The following VWA5B1 variants were observed in gnomAD, a reference collection of about 807,000 sequenced individuals.
The protein encoded by VWA5B1 is von Willebrand factor A domain containing 5B1.
In VWA5B1, 115 loss-of-function variants were observed where a neutral mutation model predicts 118.2. The observed-to-expected ratio is 0.97, with a 90% confidence interval of 0.84 to 1.14. The LOEUF is 1.14. Among genes scored for constraint, VWA5B1 ranks in the 50% most tolerant of loss-of-function variants. The pLI, the probability that VWA5B1 is intolerant of heterozygous loss-of-function variation, is 0.00. For synonymous variants in VWA5B1, 682 were observed against 658.4 expected, an observed-to-expected ratio of 1.04 and a Z score of -0.55; for missense variants, 1,596 against 1,603.8, an observed-to-expected ratio of 1.00 and a Z score of 0.08.
chr1:20,330,243 A>T lies in VWA5B1; in HGVS notation c.1318A>T (p.Ile440Phe). ...RMKADMGGTNILSPLKWVIRQ... is the reference protein window; with the variant it reads ...RMKADMGGTNFLSPLKWVIRQ... ...GAAGGCCGACATGGGTGGGACCAACATCCTTTCCCCTCTCAAGTGGGTCAT... is the reference window on the plus strand; with the variant it reads ...GAAGGCCGACATGGGTGGGACCAACTTCCTTTCCCCTCTCAAGTGGGTCAT... The change falls in exon 10 of 22, where the codon ATC (isoleucine) becomes TTC (phenylalanine). Residue 440 changes from isoleucine (I) to phenylalanine (F), a missense_variant. Ile to Phe is a conservative substitution (Grantham distance 21). Transcript: ENST00000289815. The T allele has an allele frequency of 6.4e-7, 1 of 1,551,730 alleles. No homozygotes were observed. The highest frequency in any genetic ancestry group is 1.2e-5 in the South Asian group (1 of 84,060).
chr1:20,314,970 A>G (rs2088960500), intron 4 of VWA5B1, among the ~76,000 whole-genome samples: 1 of 152,214 alleles, frequency 6.6e-6, no homozygotes, highest in Non-Finnish European at 1.5e-5. Context: ...ACATTTTGGA[A>G]CTTGGTGGAA....
At chr1:20,343,794 CT>C (rs1052741661) in intron 16 of VWA5B1, among the ~76,000 whole-genome samples, 1 of 47,504 alleles carries the variant, frequency 2.1e-5, no homozygotes, top group Non-Finnish European at 4.3e-5. Context: ...CCCGCCCCCC[CT>C]CTCCCGTCGG....
intron 1 of VWA5B1, among the ~76,000 whole-genome samples, chr1:20,298,364 C>T (rs2088446408): frequency 1.3e-5 from 2 of 152,106 alleles, no homozygotes; most frequent in Admixed American, 1.3e-4. Flanking sequence ...TCACTGCTTA[C>T]AATTCCATCA....
intron 1 of VWA5B1, among the ~76,000 whole-genome samples, chr1:20,305,313 A>G (rs181310746): frequency 1.3e-5 from 2 of 152,232 alleles, no homozygotes; most frequent in Admixed American, 1.3e-4. Flanking sequence ...AAGGTTGCTG[A>G]CATGCGGGAT....
intron 7 of VWA5B1, chr1:20,323,107 A>G (rs759004078): frequency 2.4e-5 from 8 of 339,782 alleles, no homozygotes; most frequent in Admixed American, 4.8e-5. Flanking sequence ...ACTCACCCCC[A>G]TATCACACAG....
chr1:20,348,953 T>C (rs55911812), intron 18 of VWA5B1: 5,945 of 228,740 alleles, frequency 0.026, 356 homozygotes, highest in African/African-American at 0.12. Context: ...ACAGCCTAAC[T>C]GCTGCACTCA....
chr1:20,356,716 T>C lies in VWA5B1; in HGVS notation c.*2453T>C, dbSNP rs2090236416. Among the ~76,000 whole-genome samples the C allele has an allele frequency of 6.6e-6, 1 of 152,192 alleles. No homozygotes were observed. Among genetic ancestry groups the C allele is most frequent in the South Asian group, 2.1e-4 (1 of 4,832 alleles). On this transcript the variant is annotated 3_prime_UTR_variant, in exon 22 of 22. Transcript: ENST00000289815. ...CAACATGTTTGAGGCCCAAGAAAACTGCTGATCTCTGCAACCCTGGCTCCC... is the reference window on the plus strand; with the variant it reads ...CAACATGTTTGAGGCCCAAGAAAACCGCTGATCTCTGCAACCCTGGCTCCC...
chr1:20,351,987 C>T (rs2090139221), intron 20 of VWA5B1, 68 bp from the exon 21 acceptor site: 3 of 1,289,828 alleles, frequency 2.3e-6, no homozygotes, highest in South Asian at 2.7e-5. Flanking sequence ...CTGACCCTGA[C>T]TTTCAGGGGC....
chr1:20,338,917 C>T (rs35091490), intron 14 of VWA5B1: 5,985 of 152,372 alleles, frequency 0.039, 198 homozygotes, highest in Non-Finnish European at 0.058. Flanking sequence ...CTGCCTGCCT[C>T]GGCCTCCCAA....
At chr1:20,336,246 A>T in intron 12 of VWA5B1, 57 bp from the exon 13 acceptor site, 1 of 1,286,268 alleles carries the variant, frequency 7.8e-7, no homozygotes, top group Non-Finnish European at 9.9e-7. Flanking sequence ...CTCCCTGCGG[A>T]AGTCCTTCCT....
chr1:20,332,545 A>G (rs562058335), intron 11 of VWA5B1, among the ~76,000 whole-genome samples: 18 of 142,336 alleles, frequency 1.3e-4, no homozygotes, highest in Non-Finnish European at 4.6e-5. Flanking sequence ...AAAATAAAAT[A>G]AAATGCTAAG....
In VWA5B1 at chr1:20,327,991, C is replaced by G; in HGVS notation, c.1245C>G (p.Thr415=). The stretch of plus-strand genomic sequence containing the variant: ...AGAGCCTTTTTCCTTCCAGCCAGAC[C>G]TACAGTGAGGTAATGAGGGGGCAAG... ...TFKSLFPSSQ[T]YSEDSLAMAC... is the part of the protein sequence containing the mutation. The change falls in exon 9 of 22, where the codon ACC becomes ACG. Residue 415 remains threonine, a synonymous_variant. Transcript: ENST00000289815. 6.4e-7 allele frequency: 1 copy of G among 1,551,400 alleles called. No individual in the cohort carries two copies. The highest frequency in any genetic ancestry group is 1.2e-5 in the South Asian group (1 of 84,028).
At chr1:20,315,730 C>T (rs1053051449) in intron 4 of VWA5B1, among the ~76,000 whole-genome samples, 4 of 152,134 alleles carry the variant, frequency 2.6e-5, no homozygotes, top group Admixed American at 6.5e-5. Flanking sequence ...GTGTGGCTAT[C>T]GCAGAGTGAG....
intron 3 of VWA5B1, 150 bp from the exon 4 acceptor site, chr1:20,314,172 C>CA (rs1011314799): frequency 1.2e-6 from 1 of 801,724 alleles, no homozygotes; most frequent in African/African-American, 1.7e-5. Flanking sequence ...GATCCTGCTT[C>CA]AATGGCTTAC....
At chr1:20,326,398 C>T (rs1321430927) in intron 8 of VWA5B1, among the ~76,000 whole-genome samples, 2 of 152,116 alleles carry the variant, frequency 1.3e-5, no homozygotes, top group African/African-American at 4.8e-5. Flanking sequence ...GAGGGGGAGA[C>T]AGACCTTCAT....
intron 4 of VWA5B1, 49 bp from the exon 5 acceptor site, chr1:20,317,481 C>T: frequency 6.5e-7 from 1 of 1,541,740 alleles, no homozygotes; most frequent in Non-Finnish European, 8.8e-7. Flanking sequence ...CGCTGGACCC[C>T]TTCTTCCACC....
chr1:20,343,498 C>T, intron 16 of VWA5B1, 105 bp downstream of exon 16: 2 of 1,428,790 alleles, frequency 1.4e-6, no homozygotes, highest in Non-Finnish European at 1.8e-6. Context: ...TCCTCTCAGC[C>T]CCGCGTGGTC....
At chr1:20,334,212 G>T (rs763175729) in intron 12 of VWA5B1, among the ~76,000 whole-genome samples, 1 of 152,212 alleles carries the variant, frequency 6.6e-6, no homozygotes, top group Non-Finnish European at 1.5e-5. Context: ...ACTGTGATCA[G>T]GTTAATGGTT....
At chr1:20,301,932 C>G (rs1054417966) in intron 1 of VWA5B1, among the ~76,000 whole-genome samples, 1 of 152,192 alleles carries the variant, frequency 6.6e-6, no homozygotes, top group African/African-American at 2.4e-5. Flanking sequence ...ACAGGCATGG[C>G]GCAGTTTCTG....
Sources: gnomAD v4.1 joint callset for allele counts (sites outside exome capture counted in the v4.1 genomes callset) on GRCh38, gnomAD v4.1.1 for gene constraint, MANE v1.5 for transcripts, NCBI Gene and HGNC (gene_info 2026-07-23, HGNC 2026-07-21) for gene names.